Variants in PLEKHA5 observed in about 807,000 individuals in gnomAD.
PLEKHA5 encodes the protein pleckstrin homology domain containing A5.
A neutral mutation model predicts 181.9 loss-of-function variants in PLEKHA5; 55 were observed. The ratio of observed to expected loss-of-function variants is 0.30; its 90% CI spans 0.24 to 0.38. The LOEUF (loss-of-function observed/expected upper bound fraction) is 0.38, where lower values mean the gene tolerates loss of function less well. Among genes scored for constraint, PLEKHA5 ranks in the 10% least tolerant of loss-of-function variants. The pLI is 1.00. For synonymous variants in PLEKHA5, 535 were observed against 529.4 expected (o/e 1.01, Z -0.15); for missense variants, 1,432 against 1,549.5 (o/e 0.92, Z 1.27).
In PLEKHA5 at chr12:19,239,860, G is replaced by A. The variant is rs76092075; in HGVS notation, c.228-14080G>A. ...TTCTAAGCAAGATCAATCCCTAATC[G>A]GTTTCCCCTTTGTATTTTGTTTATG... On this transcript the variant is annotated intron_variant, in intron 3 of 31. Coordinates refer to ENST00000429027, the MANE Select transcript of PLEKHA5 (RefSeq NM_001256470.2). Among the ~76,000 whole-genome samples the A allele has an allele frequency of 3.0e-3, 449 of 152,052 alleles. 17 individuals carry two copies. The East Asian group carries it at 0.077, about 26-fold the overall frequency.
intron 11 of PLEKHA5, among the ~76,000 whole-genome samples, chr12:19,281,855 C>T (rs1288348523): frequency 6.6e-6 from 1 of 151,878 alleles, no homozygotes; most frequent in Non-Finnish European, 1.5e-5. Context: ...GATCTTGTCT[C>T]GCTGCAAGCT....
At chr12:19,305,735 C>A (rs1040878161) in intron 15 of PLEKHA5, among the ~76,000 whole-genome samples, 3 of 151,690 alleles carry the variant, frequency 2.0e-5, no homozygotes, top group African/African-American at 7.3e-5. Context: ...TGGCACATGC[C>A]TGTAATCCCA....
rs1229268195 is a variant in PLEKHA5 at position 19,314,885 on chromosome 12, G to A, written c.2109G>A (p.Leu703=). Reference sequence around the variant, plus strand: ...AGAACTCGGCGCTAAGACCCCAACTGTACCAGCAAGTAAGGTCTTGGACAG... The same window carrying A: ...AGAACTCGGCGCTAAGACCCCAACTATACCAGCAAGTAAGGTCTTGGACAG... ...MIENSALRPQ[L]YQQFLRQKSK... is the part of the protein sequence containing the mutation. Residue 703 remains leucine (L), a synonymous_variant, in exon 16 of 32, where the codon CTG becomes CTA. Coordinates refer to ENST00000429027, the MANE Select transcript of PLEKHA5 (RefSeq NM_001256470.2). The A allele has an allele frequency of 3.4e-5, 52 of 1,528,200 alleles. No individual in the cohort carries two copies. Among genetic ancestry groups the A allele is most frequent in the Non-Finnish European group, 4.5e-5 (51 of 1,125,788 alleles). The allele number at this position is 1,528,200 out of a possible 1,614,324, so 94.7% of individuals were successfully genotyped here. A position where few individuals can be genotyped will look rare whatever the true frequency, so the allele number is the denominator to read the frequency against.
intron 4 of PLEKHA5, 110 bp downstream of exon 4, chr12:19,254,133 A>T: frequency 1.4e-6 from 1 of 711,932 alleles, no homozygotes; most frequent in Non-Finnish European, 2.5e-6. Flanking sequence ...TTTGTAGTCA[A>T]GTATAATAAC....
chr12:19,143,591 G>A (rs1302673433), intron 3 of PLEKHA5, among the ~76,000 whole-genome samples: 1 of 151,920 alleles, frequency 6.6e-6, no homozygotes, highest in Non-Finnish European at 1.5e-5. Flanking sequence ...TATATATGCA[G>A]CATAGATGCA....
chr12:19,343,281 GA>G (rs756996561), intron 21 of PLEKHA5, 41 bp from the exon 22 acceptor site: 2 of 1,165,244 alleles, frequency 1.7e-6, no homozygotes, highest in South Asian at 2.9e-5. Context: ...TTCAGTGAAT[GA>G]TTTTTTTTCT....
intron 25 of PLEKHA5, among the ~76,000 whole-genome samples, chr12:19,353,597 T>A (rs2094731463): frequency 6.6e-6 from 1 of 152,116 alleles, no homozygotes; most frequent in Admixed American, 6.5e-5. Flanking sequence ...GTAGTTGGGA[T>A]TACAGGCATG....
At chr12:19,339,690 C>CA (rs925274825) in intron 21 of PLEKHA5, among the ~76,000 whole-genome samples, 35 of 148,138 alleles carry the variant, frequency 2.4e-4, no homozygotes, top group Middle Eastern at 7.0e-3. Context: ...TAAGACATTT[C>CA]AAAAAAAAAT....
chr12:19,273,757 C>T (rs1243376509), intron 10 of PLEKHA5, among the ~76,000 whole-genome samples: 1 of 152,150 alleles, frequency 6.6e-6, no homozygotes, highest in Non-Finnish European at 1.5e-5. Context: ...CATGGGATGC[C>T]AGATTCTAAC....
chr12:19,174,396 C>G (rs549518360), intron 3 of PLEKHA5, among the ~76,000 whole-genome samples: 13 of 152,272 alleles, frequency 8.5e-5, no homozygotes, highest in African/African-American at 2.9e-4. Context: ...CTTAAAAAAG[C>G]AAACATGGGT....
intron 3 of PLEKHA5, among the ~76,000 whole-genome samples, chr12:19,137,228 G>A (rs1015218297): frequency 6.6e-6 from 1 of 151,894 alleles, no homozygotes. Flanking sequence ...GTAGAGAAGG[G>A]GTTTCGCCAC....
intron 3 of PLEKHA5, among the ~76,000 whole-genome samples, chr12:19,192,697 C>T (rs1432556215): frequency 1.3e-5 from 2 of 152,056 alleles, no homozygotes; most frequent in African/African-American, 2.4e-5. Context: ...CAGAGTCAGA[C>T]CCTATGTCTC....
At position 19,257,555 on chromosome 12, in the gene PLEKHA5, A is replaced by G. The variant is rs778074329; in HGVS notation, c.537+18A>G. ...ATAAACAGGTATTTTTTTTTTTTTGATATGAAACAAAAGACAGAATTAGAA... is the reference window on the plus strand; with the variant it reads ...ATAAACAGGTATTTTTTTTTTTTTGGTATGAAACAAAAGACAGAATTAGAA... On this transcript the variant is annotated intron_variant, in intron 6 of 31. Transcript: ENST00000429027. The G allele has an allele frequency of 3.4e-6, 4 of 1,169,220 alleles. No individual in the cohort carries two copies. The highest frequency in any genetic ancestry group is 5.1e-6 in the Non-Finnish European group (4 of 791,312). 72.4% of individuals were successfully genotyped at this position (1,169,220 alleles called of 1,614,324 possible).
intron 3 of PLEKHA5, among the ~76,000 whole-genome samples, chr12:19,161,694 ACTTT>A (rs1419132555): frequency 6.6e-6 from 1 of 152,232 alleles, no homozygotes; most frequent in African/African-American, 2.4e-5. Context: ...TAGGACTTTA[ACTTT>A]CTAAAGTGTG....
intron 11 of PLEKHA5, 47 bp from the exon 12 acceptor site, chr12:19,283,233 A>C: frequency 3.3e-6 from 4 of 1,196,498 alleles, no homozygotes; most frequent in Non-Finnish European, 4.7e-6. Context: ...AGAATTTGGA[A>C]AATAACCCTC....
chr12:19,310,613 A>AAC (rs1344308728), intron 15 of PLEKHA5, among the ~76,000 whole-genome samples: 1 of 149,918 alleles, frequency 6.7e-6, no homozygotes, highest in Admixed American at 6.7e-5. Context: ...CCCTCTCAAA[A>AAC]AAAAAAAAAA....
At chr12:19,195,571 G>A (rs979704273) in intron 3 of PLEKHA5, among the ~76,000 whole-genome samples, 1 of 150,894 alleles carries the variant, frequency 6.6e-6, no homozygotes, top group Non-Finnish European at 1.5e-5. Flanking sequence ...TCTGAGGGCT[G>A]AGGTGGGAAG....
chr12:19,186,256 T>C (rs371434324), intron 3 of PLEKHA5, among the ~76,000 whole-genome samples: 20 of 152,204 alleles, frequency 1.3e-4, no homozygotes, highest in East Asian at 9.6e-4. Context: ...ATAAACTGTT[T>C]GATGGGTGGT....
At chr12:19,182,261 G>T (rs570929162) in intron 3 of PLEKHA5, among the ~76,000 whole-genome samples, 16 of 152,306 alleles carry the variant, frequency 1.1e-4, no homozygotes, top group Non-Finnish European at 2.4e-4. Context: ...CTGTGAAGCA[G>T]ATTGTTTTTT....
Sources: allele counts gnomAD v4.1 joint callset (sites outside exome capture counted in the v4.1 genomes callset), GRCh38; gene constraint gnomAD v4.1.1; transcripts MANE v1.5; gene names NCBI Gene and HGNC (gene_info 2026-07-23, HGNC 2026-07-21).